MYLK: variants seen among roughly 807,000 people sequenced by gnomAD.
MYLK encodes myosin light chain kinase.
MYLK carries 106 observed loss-of-function variants against 203.4 expected under a neutral mutation model. The observed-to-expected ratio is 0.52, with a 90% CI of 0.45 to 0.61. The LOEUF is 0.61. Among genes scored for constraint, MYLK ranks in the 20% least tolerant of loss-of-function variants. The pLI, the probability that MYLK is intolerant of heterozygous loss-of-function variation, is 0.00. For synonymous variants in MYLK, 867 were observed against 959.5 expected (o/e 0.90, Z 1.78); for missense variants, 2,072 against 2,442.3 (o/e 0.85, Z 3.20).
chr3:123,759,104 C>T (rs2063453019), intron 4 of MYLK, among the ~76,000 whole-genome samples: 1 of 152,220 alleles, frequency 6.6e-6, no homozygotes, highest in Non-Finnish European at 1.5e-5. Flanking sequence ...GGATCATAAG[C>T]ATGAGACACT....
At chr3:123,647,142 G>A in intron 27 of MYLK, 82 bp downstream of exon 27, 1 of 1,276,426 alleles carries the variant, frequency 7.8e-7, no homozygotes, top group Non-Finnish European at 1.1e-6. Context: ...TCTTGGGGCA[G>A]AGGTGGCTGG....
chr3:123,737,579 T>A (rs1323558196), intron 7 of MYLK, 36 bp from the exon 8 acceptor site: 2 of 1,613,274 alleles, frequency 1.2e-6, no homozygotes. Flanking sequence ...GTCATACAAA[T>A]CTGCTCACCT....
At chr3:123,728,994 A>C (rs1158227691) in intron 11 of MYLK, among the ~76,000 whole-genome samples, 1 of 152,202 alleles carries the variant, frequency 6.6e-6, no homozygotes, top group African/African-American at 2.4e-5. Context: ...CTGACCAAAA[A>C]ACTTCAAAGG....
At chr3:123,749,754 A>C (rs948797715) in intron 5 of MYLK, among the ~76,000 whole-genome samples, 3 of 152,252 alleles carry the variant, frequency 2.0e-5, no homozygotes, top group Admixed American at 2.0e-4. Context: ...TCCAAGTCAC[A>C]GAAAAGGAAG....
Position 123,613,268 on chromosome 3 carries a change from C to T in MYLK, c.*837G>A, listed in dbSNP as rs576773948. The T allele has an allele frequency of 2.0e-4, 30 of 152,206 alleles. No homozygotes were observed. Among genetic ancestry groups the T allele is most frequent in the African/African-American group, 6.5e-4 (27 of 41,516 alleles). 9.4% of individuals were successfully genotyped at this position (152,206 alleles called of 1,614,324 possible). On this transcript the variant is annotated 3_prime_UTR_variant, in exon 34 of 34. Coordinates refer to ENST00000360304, the MANE Select transcript of MYLK (RefSeq NM_053025.4). ...TTCAAACACAAAAATCTTTACCACA[C>T]GTTCAGAGCTGATATTCTATAACAG...
chr3:123,818,817 A>C (rs2065829835), intron 3 of MYLK, among the ~76,000 whole-genome samples: 1 of 152,222 alleles, frequency 6.6e-6, no homozygotes, highest in South Asian at 2.1e-4. Context: ...GTTGTGGTGA[A>C]TTAAATCAAC....
intron 3 of MYLK, among the ~76,000 whole-genome samples, chr3:123,824,010 T>TGAC (rs1276170800): frequency 1.3e-5 from 2 of 152,326 alleles, no homozygotes; most frequent in African/African-American, 4.8e-5. Context: ...GGGCCTTTCT[T>TGAC]GACCACTTGA....
At chr3:123,762,748 C>T (rs539677710) in intron 4 of MYLK, among the ~76,000 whole-genome samples, 2 of 152,282 alleles carry the variant, frequency 1.3e-5, no homozygotes, top group African/African-American at 4.8e-5. Context: ...TTCGGCCTTC[C>T]ACCATGAGAT....
At chr3:123,850,451 T>C (rs1235782963) in intron 2 of MYLK, among the ~76,000 whole-genome samples, 1 of 152,252 alleles carries the variant, frequency 6.6e-6, no homozygotes, top group African/African-American at 2.4e-5. Context: ...TGGTGTGAGA[T>C]GGTATCTCAT....
intron 3 of MYLK, among the ~76,000 whole-genome samples, chr3:123,825,323 C>G (rs1158015834): frequency 2.0e-5 from 3 of 152,100 alleles, no homozygotes; most frequent in Non-Finnish European, 4.4e-5. Flanking sequence ...CCTGTGGTGT[C>G]CAGGAGGGCA....
chr3:123,696,110 C>T (rs1465890836), intron 18 of MYLK, among the ~76,000 whole-genome samples: 1 of 152,114 alleles, frequency 6.6e-6, no homozygotes, highest in African/African-American at 2.4e-5. Context: ...TTCCTCAGCA[C>T]GAAAGGGGGT....
At chr3:123,767,752 G>A (rs1195478748) in intron 4 of MYLK, among the ~76,000 whole-genome samples, 1 of 152,240 alleles carries the variant, frequency 6.6e-6, no homozygotes, top group Non-Finnish European at 1.5e-5. Flanking sequence ...AGTCCCATGG[G>A]GGTGTCAGGA....
At chr3:123,699,971 T>G in intron 18 of MYLK, 49 bp downstream of exon 18, 1 of 1,612,618 alleles carries the variant, frequency 6.2e-7, no homozygotes, top group Non-Finnish European at 8.5e-7. Flanking sequence ...GAGCTAGGAG[T>G]GGCCCTGGTA....
At chr3:123,668,690 C>T (rs1399483103) in intron 20 of MYLK, among the ~76,000 whole-genome samples, 1 of 152,100 alleles carries the variant, frequency 6.6e-6, no homozygotes, top group African/African-American at 2.4e-5. Flanking sequence ...GAGGAAAAGC[C>T]ACTTCACCAG....
At chr3:123,776,474 G>A (rs2064082489) in intron 4 of MYLK, among the ~76,000 whole-genome samples, 1 of 152,176 alleles carries the variant, frequency 6.6e-6, no homozygotes, top group African/African-American at 2.4e-5. Flanking sequence ...AAAACTTCAT[G>A]TATAAAGATG....
chr3:123,709,612 C>T, intron 14 of MYLK, 144 bp downstream of exon 14: 1 of 1,023,878 alleles, frequency 9.8e-7, no homozygotes, highest in Non-Finnish European at 1.5e-6. Context: ...GGACAAGAGT[C>T]TCCATTTCTT....
chr3:123,777,943 T>C (rs550876270), intron 4 of MYLK, among the ~76,000 whole-genome samples: 3 of 152,174 alleles, frequency 2.0e-5, no homozygotes, highest in Non-Finnish European at 2.9e-5. Flanking sequence ...CTAATAGTCA[T>C]ATTTGCAGCC....
chr3:123,847,156 T>C (rs1001448953), intron 2 of MYLK, among the ~76,000 whole-genome samples: 2 of 152,144 alleles, frequency 1.3e-5, no homozygotes, highest in African/African-American at 4.8e-5. Context: ...TTACATAGTA[T>C]TGGGTATTAC....
chr3:123,721,111 G>T (rs2062070997), intron 13 of MYLK, among the ~76,000 whole-genome samples: 1 of 152,210 alleles, frequency 6.6e-6, no homozygotes, highest in African/African-American at 2.4e-5. Context: ...CGGGTGAGGT[G>T]AAAGTATTTA....
Sources: gnomAD v4.1 joint callset for allele counts (sites outside exome capture counted in the v4.1 genomes callset) on GRCh38, gnomAD v4.1.1 for gene constraint, MANE v1.5 for transcripts, NCBI Gene and HGNC (gene_info 2026-07-23, HGNC 2026-07-21) for gene names.